Variants in AMBRA1 observed in about 807,000 individuals in gnomAD.
AMBRA1 encodes autophagy and beclin 1 regulator 1.
Under a neutral mutation model 125.4 loss-of-function variants are expected in AMBRA1, and 47 were observed. The observed-to-expected ratio is 0.37, with a 90% confidence interval of 0.30 to 0.48. The LOEUF (loss-of-function observed/expected upper bound fraction) is 0.48. AMBRA1 is among the 20% of genes least tolerant of loss of function. The pLI is 0.99. For missense variants in AMBRA1, 1,331 were observed against 1,693.4 expected (o/e 0.79, Z 3.76); for synonymous variants, 626 against 655.5 (o/e 0.95, Z 0.69).
At chr11:46,473,871 C>G (rs1214264100) in intron 11 of AMBRA1, among the ~76,000 whole-genome samples, 1 of 152,186 alleles carries the variant, frequency 6.6e-6, no homozygotes, top group Non-Finnish European at 1.5e-5. Flanking sequence ...ACGATGGTCT[C>G]GATCTCCTGA....
At chr11:46,413,423 C>T (rs954946806) in intron 15 of AMBRA1, among the ~76,000 whole-genome samples, 2 of 152,218 alleles carry the variant, frequency 1.3e-5, no homozygotes, top group Admixed American at 6.5e-5. Context: ...CAATTCCAGA[C>T]ACTGTACCAA....
intron 1 of AMBRA1, among the ~76,000 whole-genome samples, chr11:46,554,040 C>T (rs2043095633): frequency 6.6e-6 from 1 of 152,152 alleles, no homozygotes; most frequent in Non-Finnish European, 1.5e-5. Flanking sequence ...TTCGGTCAAA[C>T]TGCCACATAA....
chr11:46,480,727 A>C (rs1314753265), intron 11 of AMBRA1, among the ~76,000 whole-genome samples: 1 of 152,200 alleles, frequency 6.6e-6, no homozygotes, highest in Non-Finnish European at 1.5e-5. Context: ...TTTGCTCTAC[A>C]ACTTTGGAAG....
At chr11:46,570,261 CAAAAAAA>C (rs200875374) in intron 1 of AMBRA1, among the ~76,000 whole-genome samples, 2 of 14,260 alleles carry the variant, frequency 1.4e-4, no homozygotes, top group South Asian at 2.5e-3. Context: ...GACCATGTCT[CAAAAAAA>C]AAAAAAAAAA....
At chr11:46,450,166 GTTC>G (rs1260036505) in intron 11 of AMBRA1, among the ~76,000 whole-genome samples, 1 of 151,942 alleles carries the variant, frequency 6.6e-6, no homozygotes, top group East Asian at 1.9e-4. Context: ...CAACCAAGAT[GTTC>G]TTCATTTAAG....
At chr11:46,552,028 C>T (rs1341099002) in intron 1 of AMBRA1, among the ~76,000 whole-genome samples, 1 of 137,724 alleles carries the variant, frequency 7.3e-6, no homozygotes, top group Non-Finnish European at 1.6e-5. Context: ...ACTCCATCTC[C>T]AAAAAAAAAT....
intron 11 of AMBRA1, among the ~76,000 whole-genome samples, chr11:46,453,494 T>A (rs1389812938): frequency 3.9e-5 from 6 of 152,184 alleles, no homozygotes; most frequent in Admixed American, 3.3e-4. Context: ...TAGGTTCATA[T>A]GAGAATTAAA....
chr11:46,547,666 T>A, intron 3 of AMBRA1, 151 bp downstream of exon 3: 1 of 723,024 alleles, frequency 1.4e-6, no homozygotes, highest in South Asian at 1.9e-5. Context: ...ACTGCTCATC[T>A]ACTTTCTTTC....
chr11:46,572,139 G>T (rs902909603), intron 1 of AMBRA1, among the ~76,000 whole-genome samples: 4 of 151,956 alleles, frequency 2.6e-5, no homozygotes, highest in Non-Finnish European at 4.4e-5. Flanking sequence ...CGTCTCTACC[G>T]AAAATACAAA....
At chr11:46,423,468 T>C (rs899552625) in intron 14 of AMBRA1, among the ~76,000 whole-genome samples, 4 of 151,808 alleles carry the variant, frequency 2.6e-5, no homozygotes, top group Non-Finnish European at 5.9e-5. Flanking sequence ...CTTGGTTCAC[T>C]GCAAGCTCCA....
At chr11:46,468,179 T>C (rs1227418779) in intron 11 of AMBRA1, among the ~76,000 whole-genome samples, 4 of 151,876 alleles carry the variant, frequency 2.6e-5, no homozygotes, top group African/African-American at 4.8e-5. Flanking sequence ...ATAAGAACAA[T>C]AGATGATAAA....
Position 46,575,805 on chromosome 11 carries a change from G to A in AMBRA1, c.-121+18023C>T, listed in dbSNP as rs571431575. 1.7e-4 allele frequency among the ~76,000 whole-genome samples: 26 copies of A among 152,206 alleles called. No individual in the cohort carries two copies. The South Asian group carries it at 4.1e-3, about 24-fold the overall frequency. On this transcript the variant is annotated intron_variant, in intron 1 of 17. Coordinates refer to ENST00000683756, the MANE Select transcript of AMBRA1 (RefSeq NM_001387011.1). ...GCTGGGATTATAGGCGTGAGCCTCC[G>A]TGCCCAGCCAGGCTTCTATTTTTCC...
At chr11:46,518,817 A>G (rs1591013975) in intron 7 of AMBRA1, among the ~76,000 whole-genome samples, 1 of 152,198 alleles carries the variant, frequency 6.6e-6, no homozygotes, top group East Asian at 1.9e-4. Flanking sequence ...TATAATTCAA[A>G]CTGTGAAATC....
intron 11 of AMBRA1, among the ~76,000 whole-genome samples, chr11:46,450,654 C>T (rs534024834): frequency 2.8e-4 from 43 of 152,122 alleles, no homozygotes; most frequent in Admixed American, 1.6e-3. Flanking sequence ...TGTTGCCCAG[C>T]CTTGTCTCCA....
At chr11:46,533,485 T>C (rs1223700334) in intron 7 of AMBRA1, among the ~76,000 whole-genome samples, 1 of 151,990 alleles carries the variant, frequency 6.6e-6, no homozygotes, top group Non-Finnish European at 1.5e-5. Context: ...TGGGGAAGAG[T>C]GGAGGGGCTT....
chr11:46,465,252 C>A (rs529497731), intron 11 of AMBRA1, among the ~76,000 whole-genome samples: 11 of 152,126 alleles, frequency 7.2e-5, no homozygotes, highest in Non-Finnish European at 1.6e-4. Context: ...CTCCTCCCTG[C>A]CCTCCTTCTG....
chr11:46,589,223 C>T (rs1018123059), intron 1 of AMBRA1, among the ~76,000 whole-genome samples: 2 of 152,092 alleles, frequency 1.3e-5, no homozygotes, highest in Admixed American at 6.6e-5. Flanking sequence ...AATAACTAAT[C>T]ATAAAATTTT....
At chr11:46,459,490 C>G (rs1390197849) in intron 11 of AMBRA1, among the ~76,000 whole-genome samples, 1 of 152,068 alleles carries the variant, frequency 6.6e-6, no homozygotes. Context: ...GCAAGTGGAT[C>G]ACCTGAGGTC....
intron 1 of AMBRA1, among the ~76,000 whole-genome samples, chr11:46,590,129 T>C (rs2044541974): frequency 6.6e-6 from 1 of 151,564 alleles, no homozygotes; most frequent in African/African-American, 2.4e-5. Flanking sequence ...TCCCAGCACT[T>C]TGGGAGGCCG....
Sources: gnomAD v4.1 joint callset for allele counts (sites outside exome capture counted in the v4.1 genomes callset) on GRCh38, gnomAD v4.1.1 for gene constraint, MANE v1.5 for transcripts, NCBI Gene and HGNC (gene_info 2026-07-23, HGNC 2026-07-21) for gene names.